The following FOXP1 variants were observed in gnomAD, a reference collection of about 807,000 sequenced individuals.
The protein encoded by FOXP1 is forkhead box P1, also known as forkhead box protein P1.
FOXP1 carries 15 observed loss-of-function variants against 98.2 expected under a neutral mutation model. That is an observed-to-expected ratio of 0.15 (90% CI 0.10 to 0.24). The LOEUF (loss-of-function observed/expected upper bound fraction) is 0.24, where lower values mean the gene tolerates loss of function less well. FOXP1 is among the 10% of genes least tolerant of loss of function. The pLI is 1.00. For synonymous variants in FOXP1, 371 were observed against 314.5 expected (o/e 1.18, Z -1.90); for missense variants, 633 against 848.5 (o/e 0.75, Z 3.15).
intron 5 of FOXP1, among the ~76,000 whole-genome samples, chr3:71,220,890 A>T (rs2065321338): frequency 6.6e-6 from 1 of 151,564 alleles, no homozygotes; most frequent in African/African-American, 2.4e-5. Context: ...TGGTCCTCAC[A>T]ACTACTTTGT....
chr3:71,124,053 C>A (rs141465365), intron 6 of FOXP1, among the ~76,000 whole-genome samples: 3,918 of 151,858 alleles, frequency 0.026, 73 homozygotes, highest in Admixed American at 0.053. Context: ...GTCGGGATAT[C>A]CCCAAACTCA....
intron 7 of FOXP1, among the ~76,000 whole-genome samples, chr3:71,100,411 C>G (rs563187600): frequency 3.9e-5 from 6 of 152,310 alleles, no homozygotes; most frequent in Non-Finnish European, 4.4e-5. Flanking sequence ...TTAAGTCTGA[C>G]AAAGCGGCTC....
chr3:71,343,007 A>G (rs925445074), intron 4 of FOXP1, among the ~76,000 whole-genome samples: 1 of 152,240 alleles, frequency 6.6e-6, no homozygotes, highest in Non-Finnish European at 1.5e-5. Flanking sequence ...GAAGGTGGTA[A>G]GAGGAGCTAC....
intron 11 of FOXP1, among the ~76,000 whole-genome samples, chr3:71,029,782 C>T (rs1391169474): frequency 6.6e-6 from 1 of 152,102 alleles, no homozygotes; most frequent in African/African-American, 2.4e-5. Flanking sequence ...GTGTCTGTTT[C>T]TATGTTTGTT....
intron 20 of FOXP1, among the ~76,000 whole-genome samples, chr3:70,964,687 C>G (rs2034351123): frequency 6.6e-6 from 1 of 152,166 alleles, no homozygotes; most frequent in Non-Finnish European, 1.5e-5. Flanking sequence ...GAAAGATAAA[C>G]ACACTCTTAA....
At chr3:71,531,658 G>T (rs953145443) in intron 2 of FOXP1, among the ~76,000 whole-genome samples, 1 of 152,196 alleles carries the variant, frequency 6.6e-6, no homozygotes, top group African/African-American at 2.4e-5. Flanking sequence ...TATCTCCAGT[G>T]TGATCATTTA....
At chr3:71,143,569 T>A (rs1203836875) in intron 6 of FOXP1, among the ~76,000 whole-genome samples, 5 of 152,148 alleles carry the variant, frequency 3.3e-5, no homozygotes, top group Admixed American at 2.0e-4. Flanking sequence ...CACCACCTCC[T>A]AAGGCTGTTG....
chr3:71,443,167 C>T (rs55705945), intron 3 of FOXP1, among the ~76,000 whole-genome samples: 92,561 of 152,108 alleles, frequency 0.61, 30,313 homozygotes, highest in Non-Finnish European at 0.74. Context: ...GTGCTGGAAT[C>T]ACAGGCGTGA....
chr3:71,197,741 T>G, intron 6 of FOXP1: 2 of 815,996 alleles, frequency 2.5e-6, no homozygotes, highest in Non-Finnish European at 1.9e-6. Context: ...TCTCCGCCTG[T>G]CTTTCTATGT....
chr3:71,128,428 A>C (rs1230469115), intron 6 of FOXP1, among the ~76,000 whole-genome samples: 1 of 152,180 alleles, frequency 6.6e-6, no homozygotes. Context: ...AATGGGTTAC[A>C]TAATATTAAA....
chr3:71,057,889 T>C (rs1208234224), intron 7 of FOXP1, among the ~76,000 whole-genome samples: 1 of 152,144 alleles, frequency 6.6e-6, no homozygotes, highest in East Asian at 1.9e-4. Flanking sequence ...TACCAGCAAC[T>C]GGGAAAACGG....
intron 17 of FOXP1, among the ~76,000 whole-genome samples, chr3:70,973,421 C>CATATCTTGCTTATGGTT (rs1436293766): frequency 1.3e-5 from 2 of 152,324 alleles, no homozygotes; most frequent in African/African-American, 4.8e-5. Flanking sequence ...TTTCTGCAGA[C>CATATCTTGCTTATGGTT]ATATCTTGCT....
In FOXP1 at chr3:71,441,670, G is replaced by C. The variant is rs141884326; in HGVS notation, c.-168+51756C>G. On this transcript the variant is annotated intron_variant, in intron 3 of 20. Coordinates refer to ENST00000649528, the MANE Select transcript of FOXP1 (RefSeq NM_001349338.3). ...TTAAATCAGTCCTAAAGACCTCCAG[G>C]GTGGTGTTCTTACCTCTGCTTCGTA... Among the ~76,000 whole-genome samples, 348 of 152,284 alleles carry C rather than the reference G, an allele frequency of 2.3e-3. 4 individuals are homozygous for C. Among genetic ancestry groups the C allele is most frequent in the African/African-American group, 8.0e-3 (333 of 41,554 alleles).
intron 3 of FOXP1, among the ~76,000 whole-genome samples, chr3:71,483,400 G>C (rs577506152): frequency 6.6e-6 from 1 of 152,262 alleles, no homozygotes; most frequent in South Asian, 2.1e-4. Context: ...CAGAGAGCGG[G>C]AACAAAGGGC....
intron 3 of FOXP1, among the ~76,000 whole-genome samples, chr3:71,461,363 G>A (rs1216337941): frequency 2.0e-5 from 3 of 152,228 alleles, no homozygotes; most frequent in South Asian, 4.1e-4. Flanking sequence ...ACCCAGAAAC[G>A]AGTGTTCAAG....
chr3:71,274,210 T>C (rs919760777), intron 5 of FOXP1, among the ~76,000 whole-genome samples: 7 of 152,200 alleles, frequency 4.6e-5, no homozygotes, highest in African/African-American at 1.7e-4. Flanking sequence ...TTCCCAGGCC[T>C]ATAGGAGCTC....
At chr3:71,322,549 A>C (rs1354122646) in intron 4 of FOXP1, among the ~76,000 whole-genome samples, 4 of 152,230 alleles carry the variant, frequency 2.6e-5, no homozygotes, top group Non-Finnish European at 5.9e-5. Context: ...GAAGGATGGT[A>C]GGCTTCATTT....
chr3:71,566,124 G>C (rs529458756), intron 2 of FOXP1, among the ~76,000 whole-genome samples: 2 of 152,096 alleles, frequency 1.3e-5, no homozygotes, highest in African/African-American at 2.4e-5. Context: ...GATTCTGCCC[G>C]AGCCGCTCCT....
chr3:71,321,924 T>C (rs1560302865), intron 4 of FOXP1, among the ~76,000 whole-genome samples: 2 of 152,212 alleles, frequency 1.3e-5, no homozygotes, highest in Non-Finnish European at 1.5e-5. Flanking sequence ...CCAGCCTCAA[T>C]GTTATTTTTC....
Sources: gnomAD v4.1 joint callset for allele counts (sites outside exome capture counted in the v4.1 genomes callset) on GRCh38, gnomAD v4.1.1 for gene constraint, MANE v1.5 for transcripts, NCBI Gene and HGNC (gene_info 2026-07-23, HGNC 2026-07-21) for gene names.